Variants in PARG observed in about 807,000 individuals in gnomAD.
PARG encodes the protein mitochondrial poly(ADP-ribose) glycohydrolase.
PARG carries 35 observed loss-of-function variants against 113.0 expected under a neutral mutation model. That is an observed-to-expected ratio of 0.31 (90% confidence interval 0.24 to 0.41). The LOEUF (loss-of-function observed/expected upper bound fraction) is 0.41, where lower values mean the gene tolerates loss of function less well. PARG is among the 10% of genes least tolerant of loss of function. PARG has a pLI of 1.00. For synonymous variants in PARG, 330 were observed against 409.9 expected (o/e 0.81, Z 2.36); for missense variants, 797 against 1,169.4 (o/e 0.68, Z 4.64).
At chr10:49,935,270 C>T in intron 1 of PARG, 128 bp from the exon 2 acceptor site, 2 of 583,310 alleles carry the variant, frequency 3.4e-6, no homozygotes, top group Non-Finnish European at 6.2e-6. Context: ...TATTTGCCCT[C>T]AAGTATATGG....
chr10:49,836,307 CT>C (rs1168567519), intron 15 of PARG, among the ~76,000 whole-genome samples: 2 of 48,004 alleles, frequency 4.2e-5, no homozygotes, highest in African/African-American at 1.5e-4. Flanking sequence ...TTTCTTACGA[CT>C]TTTTTTTTTT....
At chr10:49,895,397 A>T (rs1315593930) in intron 7 of PARG, among the ~76,000 whole-genome samples, 3 of 151,848 alleles carry the variant, frequency 2.0e-5, no homozygotes, top group Non-Finnish European at 4.4e-5. Flanking sequence ...GCATACAGGG[A>T]GAACTGATAT....
intron 13 of PARG, among the ~76,000 whole-genome samples, chr10:49,854,537 C>A (rs1403955736): frequency 6.6e-6 from 1 of 151,364 alleles, no homozygotes; most frequent in Non-Finnish European, 1.5e-5. Flanking sequence ...AGGGCTCATG[C>A]GTGCCCATGG....
intron 1 of PARG, among the ~76,000 whole-genome samples, chr10:49,940,684 G>C (rs1234355746): frequency 2.0e-5 from 3 of 152,106 alleles, no homozygotes; most frequent in Non-Finnish European, 2.9e-5. Context: ...CCGCCACCAC[G>C]CTAGGCTAAT....
chr10:49,886,132 A>AGAAAACT (rs1847465335), intron 7 of PARG, among the ~76,000 whole-genome samples: 1 of 152,224 alleles, frequency 6.6e-6, no homozygotes, highest in Non-Finnish European at 1.5e-5. Context: ...ACTATTACAG[A>AGAAAACT]GAAAACTGAG....
intron 7 of PARG, among the ~76,000 whole-genome samples, chr10:49,900,768 T>A (rs1445359483): frequency 6.6e-6 from 1 of 151,696 alleles, no homozygotes; most frequent in Non-Finnish European, 1.5e-5. Flanking sequence ...TTCCTATTTC[T>A]CACTTCTATT....
At chr10:49,848,136 G>T (rs1554833614) in intron 13 of PARG, among the ~76,000 whole-genome samples, 7 of 150,254 alleles carry the variant, frequency 4.7e-5, no homozygotes, top group Non-Finnish European at 3.0e-5. Flanking sequence ...GGATCACAAG[G>T]TCAAGAGATC....
intron 7 of PARG, among the ~76,000 whole-genome samples, chr10:49,915,343 G>A (rs1554847304): frequency 6.6e-6 from 1 of 152,056 alleles, no homozygotes; most frequent in African/African-American, 2.4e-5. Context: ...ATGGCCAATA[G>A]ACAAATGAAA....
At chr10:49,921,634 A>T (rs1291537753) in intron 6 of PARG, among the ~76,000 whole-genome samples, 2 of 152,026 alleles carry the variant, frequency 1.3e-5, no homozygotes, top group East Asian at 1.9e-4. Context: ...ACAACAAATT[A>T]AGTCTCTGAA....
chr10:49,904,262 A>C (rs193002846), intron 7 of PARG, among the ~76,000 whole-genome samples: 165 of 151,262 alleles, frequency 1.1e-3, no homozygotes, highest in East Asian at 3.2e-3. Flanking sequence ...GTACTTGTGG[A>C]ATATCCAGGT....
rs566089062 is a variant in PARG at position 49,825,432 on chromosome 10, T to C, written c.2648-5139A>G. ...TCAATCCTGGTTTGCATCCTGGCAC[T>C]ACCACTTGCTATCTGTATGACTCTA... On this transcript the variant is annotated intron_variant, in intron 16 of 17. Coordinates refer to ENST00000616448, the MANE Select transcript of PARG (RefSeq NM_003631.5). Among the ~76,000 whole-genome samples the C allele has an allele frequency of 2.6e-5, 4 of 152,320 alleles. No individual in the cohort carries two copies. The East Asian group carries it at 7.7e-4, about 29-fold the overall frequency.
At chr10:49,840,228 A>T (rs1194456478) in intron 15 of PARG, among the ~76,000 whole-genome samples, 2 of 152,082 alleles carry the variant, frequency 1.3e-5, no homozygotes, top group Non-Finnish European at 2.9e-5. Flanking sequence ...AGTGTATCTA[A>T]AAAAGAAAAA....
At chr10:49,909,986 T>TG (rs1837074063) in intron 7 of PARG, 6 of 151,040 alleles carry the variant, frequency 4.0e-5, no homozygotes, top group South Asian at 4.2e-4. Context: ...TTTGTGCTCT[T>TG]GGAAAAAAAA....
chr10:49,850,888 C>A (rs2132490689), intron 13 of PARG, among the ~76,000 whole-genome samples: 1 of 151,878 alleles, frequency 6.6e-6, no homozygotes, highest in East Asian at 2.0e-4. Flanking sequence ...CACCTTTTAA[C>A]ATGCCAACTG....
At chr10:49,920,429 G>A (rs1837732505) in intron 6 of PARG, among the ~76,000 whole-genome samples, 2 of 122,066 alleles carry the variant, frequency 1.6e-5, no homozygotes, top group South Asian at 2.7e-4. Context: ...CCTAGGTGAT[G>A]GAGCAAGACC....
intron 13 of PARG, 121 bp downstream of exon 13, chr10:49,857,185 T>A: frequency 1.7e-6 from 1 of 573,284 alleles, no homozygotes. Context: ...AATTAATGGA[T>A]AAAAATATTG....
chr10:49,865,790 T>A (rs1426228549), intron 10 of PARG, among the ~76,000 whole-genome samples: 2 of 150,378 alleles, frequency 1.3e-5, no homozygotes, highest in Non-Finnish European at 3.0e-5. Flanking sequence ...TTCAAATTTG[T>A]AGACTCCTTT....
intron 16 of PARG, among the ~76,000 whole-genome samples, chr10:49,822,013 T>C (rs1450457257): frequency 1.3e-5 from 2 of 152,110 alleles, no homozygotes; most frequent in African/African-American, 4.8e-5. Context: ...CTTACCATAG[T>C]AGTAGAGGTG....
intron 16 of PARG, among the ~76,000 whole-genome samples, chr10:49,827,190 A>G (rs1844402456): frequency 6.6e-6 from 1 of 152,266 alleles, no homozygotes. Flanking sequence ...TTAGCCAGGT[A>G]CAGACAGACA....
Sources: gnomAD v4.1 joint callset for allele counts (sites outside exome capture counted in the v4.1 genomes callset) on GRCh38, gnomAD v4.1.1 for gene constraint, MANE v1.5 for transcripts, NCBI Gene and HGNC (gene_info 2026-07-23, HGNC 2026-07-21) for gene names.